Variants in C12orf42 observed in about 807,000 individuals in gnomAD.
C12orf42 encodes chromosome 12 open reading frame 42, also known as uncharacterized protein C12orf42.
In C12orf42, 25 loss-of-function variants were observed where a neutral mutation model predicts 21.6. The observed-to-expected ratio is 1.16, with a 90% CI of 0.84 to 1.62. The LOEUF (loss-of-function observed/expected upper bound fraction) is 1.62. Ranked by LOEUF, C12orf42 falls within the 40% of genes most tolerant of loss-of-function variation. The pLI is 0.00. For synonymous variants in C12orf42, 174 were observed against 175.0 expected, an observed-to-expected ratio of 0.99 and a Z score of 0.05; for missense variants, 483 against 459.3, an observed-to-expected ratio of 1.05 and a Z score of -0.47.
chr12:103,501,240 A>G, the C12orf42 span, among the ~76,000 whole-genome samples: 1 of 152,262 alleles, frequency 6.6e-6, no homozygotes, highest in South Asian at 2.1e-4. Context: ...AAACCTGCTC[A>G]GTTGTCAGGC....
chr12:103,104,364 T>C, the C12orf42 span, among the ~76,000 whole-genome samples: 2 of 152,200 alleles, frequency 1.3e-5, no homozygotes, highest in Admixed American at 6.5e-5. Flanking sequence ...ACAAATTGAA[T>C]ACCAATCCAG....
the C12orf42 span, among the ~76,000 whole-genome samples, chr12:103,214,451 T>G: frequency 5.8e-4 from 89 of 152,194 alleles, no homozygotes; most frequent in Non-Finnish European, 4.0e-4. Flanking sequence ...CAGTTTCTAC[T>G]GACTGGGTCC....
At chr12:103,209,642 G>T in the C12orf42 span, among the ~76,000 whole-genome samples, 1 of 152,162 alleles carries the variant, frequency 6.6e-6, no homozygotes, top group African/African-American at 2.4e-5. Flanking sequence ...TTTCAAAGGA[G>T]AGGTCTCAAA....
the C12orf42 span, among the ~76,000 whole-genome samples, chr12:103,507,115 ATAT>A: frequency 4.2e-3 from 55 of 13,064 alleles, 2 homozygotes; most frequent in East Asian, 0.045. Context: ...ATATAAATAT[ATAT>A]TTATATATAA....
chr12:103,265,237 A>G (rs1476840111), downstream of C12orf42, among the ~76,000 whole-genome samples: 1 of 152,124 alleles, frequency 6.6e-6, no homozygotes, highest in African/African-American at 2.4e-5. Context: ...GAATTTCAAC[A>G]TAAGAATGTT....
At chr12:103,178,057 A>G in the C12orf42 span, 1 of 152,234 alleles carries the variant, frequency 6.6e-6, no homozygotes, top group African/African-American at 2.4e-5. Flanking sequence ...AGTGGTCTCC[A>G]GACACAGGAG....
intron 3 of C12orf42, among the ~76,000 whole-genome samples, chr12:103,380,120 C>T (rs1244185052): frequency 6.6e-6 from 1 of 152,006 alleles, no homozygotes; most frequent in African/African-American, 2.4e-5. Context: ...ATGGCTTGTT[C>T]CACCATGATA....
chr12:103,199,100 G>T, the C12orf42 span, among the ~76,000 whole-genome samples: 6 of 152,134 alleles, frequency 3.9e-5, no homozygotes, highest in East Asian at 1.9e-4. Context: ...TGTGGTTCTG[G>T]TGGCAAAACA....
rs569830780 is a variant in C12orf42 at position 103,279,830 on chromosome 12, A to G, written n.338-2620T>C. Among the ~76,000 whole-genome samples, 164 of 152,350 alleles carry G rather than the reference A, an allele frequency of 1.1e-3. 3 individuals are homozygous for G. Among genetic ancestry groups the G allele is most frequent in the Admixed American group, 1.2e-3 (18 of 15,304 alleles). On this transcript the variant is annotated intron_variant and non_coding_transcript_variant, in intron 4 of 6. Transcript: ENST00000546526. ...AGATGGGACACCATGGCATGGAGAC[A>G]GCAGGTAACCCAGACATAAGTTGTA...
intron 2 of C12orf42, among the ~76,000 whole-genome samples, chr12:103,416,847 C>G (rs185621847): frequency 3.8e-4 from 58 of 152,266 alleles, no homozygotes; most frequent in Non-Finnish European, 4.4e-5. Context: ...TGCTTCAAAG[C>G]AAGCTTTGCA....
chr12:103,256,107 TATATACACACAC>T (rs1253880364), intron 10 of C12orf42, among the ~76,000 whole-genome samples: 498 of 39,022 alleles, frequency 0.013, 4 homozygotes, highest in Non-Finnish European at 0.017. Context: ...TATATATATA[TATATACACACAC>T]ACACACACAC....
At chr12:103,361,513 G>A (rs775588187) in intron 4 of C12orf42, among the ~76,000 whole-genome samples, 6 of 152,140 alleles carry the variant, frequency 3.9e-5, no homozygotes, top group East Asian at 1.9e-4. Flanking sequence ...AACCCAATGC[G>A]AAATCTCCTG....
intron 3 of C12orf42, among the ~76,000 whole-genome samples, chr12:103,378,998 C>T (rs1486239009): frequency 6.6e-6 from 1 of 152,018 alleles, no homozygotes; most frequent in Non-Finnish European, 1.5e-5. Context: ...GTGAAGACTA[C>T]GGTTTACACA....
intron 10 of C12orf42, among the ~76,000 whole-genome samples, chr12:103,249,921 A>C (rs1473716496): frequency 1.3e-5 from 2 of 152,156 alleles, no homozygotes; most frequent in Non-Finnish European, 2.9e-5. Context: ...CTATTCAAAA[A>C]GAAAGTCCTG....
At chr12:103,308,258 ATACT>A (rs981498350) in intron 4 of C12orf42, among the ~76,000 whole-genome samples, 4 of 152,248 alleles carry the variant, frequency 2.6e-5, no homozygotes, top group African/African-American at 9.6e-5. Context: ...ACATGGAAAA[ATACT>A]TATTATAGTG....
the C12orf42 span, chr12:103,505,957 C>T: frequency 6.1e-6 from 1 of 164,472 alleles, no homozygotes; most frequent in South Asian, 1.7e-4. Context: ...GGCAGAGCCC[C>T]CCATTGAGTT....
chr12:103,119,138 G>A, the C12orf42 span, among the ~76,000 whole-genome samples: 3 of 152,146 alleles, frequency 2.0e-5, no homozygotes, highest in Admixed American at 6.5e-5. Context: ...GGTTAGGAGC[G>A]TATGGGCTTT....
chr12:103,092,386 AT>A, the C12orf42 span, among the ~76,000 whole-genome samples: 1 of 152,140 alleles, frequency 6.6e-6, no homozygotes, highest in Non-Finnish European at 1.5e-5. Flanking sequence ...TGAATTTGGG[AT>A]TTTGTGACAC....
the C12orf42 span, among the ~76,000 whole-genome samples, chr12:103,507,274 T>A: frequency 2.0e-3 from 75 of 37,538 alleles, 9 homozygotes; most frequent in South Asian, 0.018. Flanking sequence ...ATATATATAT[T>A]ATATATATTT....
Sources: allele counts gnomAD v4.1 joint callset (sites outside exome capture counted in the v4.1 genomes callset), GRCh38; gene constraint gnomAD v4.1.1; transcripts MANE v1.5; gene names NCBI Gene and HGNC (gene_info 2026-07-23, HGNC 2026-07-21).